The following NPTN variants were observed in gnomAD, a reference collection of about 807,000 sequenced individuals.
NPTN encodes SDR-1.
NPTN carries 5 observed loss-of-function variants against 42.7 expected under a neutral mutation model. The observed-to-expected ratio is 0.12, with a 90% confidence interval of 0.06 to 0.25. NPTN has a LOEUF of 0.25. Among genes scored for constraint, NPTN ranks in the 10% least tolerant of loss-of-function variants. NPTN has a pLI of 1.00. For synonymous variants in NPTN, 180 were observed against 201.9 expected (o/e 0.89, Z 0.92); for missense variants, 307 against 525.4 (o/e 0.58, Z 4.06).
intron 6 of NPTN, 62 bp from the exon 7 acceptor site, chr15:73,563,319 T>TA (rs1555405889): frequency 1.2e-6 from 2 of 1,604,136 alleles, no homozygotes; most frequent in South Asian, 1.1e-5. Flanking sequence ...AGAAAACTGT[T>TA]AGATTCTGCA....
chr15:73,630,761 CT>C (rs1236895781), intron 1 of NPTN, among the ~76,000 whole-genome samples: 1 of 152,190 alleles, frequency 6.6e-6, no homozygotes, highest in Non-Finnish European at 1.5e-5. Context: ...CAAGGTATCC[CT>C]TTTTGAAAGC....
At chr15:73,579,171 C>T (rs62004589) in intron 4 of NPTN, among the ~76,000 whole-genome samples, 34,874 of 145,628 alleles carry the variant, frequency 0.24, 5,309 homozygotes, top group Non-Finnish European at 0.34. Flanking sequence ...CCCAGCTACT[C>T]GGGAGGCTGA....
At chr15:73,605,299 T>C (rs548201936) in intron 1 of NPTN, among the ~76,000 whole-genome samples, 2 of 151,846 alleles carry the variant, frequency 1.3e-5, no homozygotes, top group Admixed American at 1.3e-4. Context: ...AAAATTAACA[T>C]GTTTCAAATA....
chr15:73,610,655 C>T (rs774111508), intron 1 of NPTN, among the ~76,000 whole-genome samples: 58 of 152,190 alleles, frequency 3.8e-4, no homozygotes, highest in Non-Finnish European at 5.7e-4. Flanking sequence ...CAATATGCCA[C>T]GGACCAGTGA....
intron 1 of NPTN, among the ~76,000 whole-genome samples, chr15:73,613,526 G>A (rs1595957709): frequency 6.6e-6 from 1 of 151,970 alleles, no homozygotes; most frequent in South Asian, 2.1e-4. Flanking sequence ...TCTCCACTTA[G>A]TAATTTCAGA....
At chr15:73,562,968 T>A (rs922300180) in intron 7 of NPTN, among the ~76,000 whole-genome samples, 11 of 151,874 alleles carry the variant, frequency 7.2e-5, no homozygotes, top group Non-Finnish European at 8.8e-5. Context: ...ACATTTTAAG[T>A]ATATCAAATA....
intron 4 of NPTN, among the ~76,000 whole-genome samples, chr15:73,583,860 T>C (rs1487628084): frequency 6.6e-6 from 1 of 152,208 alleles, no homozygotes; most frequent in Non-Finnish European, 1.5e-5. Context: ...GAATGTGGTC[T>C]GGGTATCACT....
Position 73,573,693 on chromosome 15 carries a change from A to G in NPTN, c.809T>C (p.Ile270Thr). 6.3e-7 allele frequency: 1 copy of G among 1,591,406 alleles called. No individual in the cohort carries two copies. The highest frequency in any genetic ancestry group is 8.5e-7 in the Non-Finnish European group (1 of 1,170,758). ...CATCCCGTTCTCCTTCTTGCGCCAT[A>G]TCCAGTCTGGGTGGGGGTAGCCAAC... Reference protein sequence around the residue: ...KSVGYPHPDWIWRKKENGMPM... With the variant: ...KSVGYPHPDWTWRKKENGMPM... The change falls in exon 5 of 9, where the codon ATA becomes ACA. Residue 270 changes from isoleucine (I) to threonine (T), a missense_variant. Ile to Thr is a moderately conservative substitution (Grantham distance 89). Around this residue, in one of 2 missense-constraint regions of NPTN, gnomAD observed 264 missense variants for 491.1 expected, o/e 0.54. Transcript: ENST00000345330.
intron 3 of NPTN, among the ~76,000 whole-genome samples, chr15:73,588,998 A>G (rs1194295319): frequency 6.6e-6 from 1 of 152,060 alleles, no homozygotes; most frequent in East Asian, 1.9e-4. Flanking sequence ...CTATGTACAG[A>G]TTCAGATCAA....
At chr15:73,612,380 C>T (rs890268139) in intron 1 of NPTN, among the ~76,000 whole-genome samples, 11 of 148,746 alleles carry the variant, frequency 7.4e-5, no homozygotes, top group Non-Finnish European at 1.2e-4. Context: ...GATCACACCA[C>T]TGCACTCTAA....
intron 1 of NPTN, among the ~76,000 whole-genome samples, chr15:73,613,133 G>A (rs1897673045): frequency 6.6e-6 from 1 of 152,206 alleles, no homozygotes; most frequent in Admixed American, 6.5e-5. Flanking sequence ...AAAATTCTAG[G>A]TCAATAAACT....
intron 1 of NPTN, among the ~76,000 whole-genome samples, chr15:73,603,659 T>A (rs1897166500): frequency 6.6e-6 from 1 of 152,170 alleles, no homozygotes; most frequent in African/African-American, 2.4e-5. Flanking sequence ...CAGTACAAAT[T>A]CTCCTTTTCA....
At chr15:73,573,523 G>A (rs1270694628) in intron 5 of NPTN, 139 bp downstream of exon 5, 5 of 934,754 alleles carry the variant, frequency 5.3e-6, no homozygotes, top group Non-Finnish European at 7.7e-6. Context: ...GATTCATGCT[G>A]TAAACCGTGA....
At chr15:73,576,895 A>G (rs562548212) in intron 4 of NPTN, among the ~76,000 whole-genome samples, 2 of 152,368 alleles carry the variant, frequency 1.3e-5, no homozygotes, top group African/African-American at 4.8e-5. Context: ...TAAATAAATC[A>G]GTTCTATCAT....
At chr15:73,587,642 A>G in intron 3 of NPTN, 24 bp from the exon 4 acceptor site, 2 of 1,536,708 alleles carry the variant, frequency 1.3e-6, no homozygotes, top group Non-Finnish European at 1.8e-6. Context: ...AAGAAAAACC[A>G]AGTGAGGAAA....
intron 1 of NPTN, among the ~76,000 whole-genome samples, chr15:73,609,895 G>A (rs1046947509): frequency 1.3e-5 from 2 of 152,042 alleles, no homozygotes; most frequent in Admixed American, 1.3e-4. Context: ...TATCATCTGT[G>A]TCGTGAACAC....
At chr15:73,619,036 G>A (rs192979645) in intron 1 of NPTN, among the ~76,000 whole-genome samples, 2 of 143,996 alleles carry the variant, frequency 1.4e-5, no homozygotes, top group East Asian at 4.0e-4. Context: ...TCCAGCCTGG[G>A]CAAACACAGC....
chr15:73,615,345 G>A (rs950932038), intron 1 of NPTN, among the ~76,000 whole-genome samples: 4 of 150,676 alleles, frequency 2.7e-5, no homozygotes, highest in Non-Finnish European at 5.9e-5. Context: ...TTGATCATTT[G>A]TGTTAGACAT....
chr15:73,585,194 C>T lies in NPTN; in HGVS notation c.706+2330G>A, dbSNP rs763805561. Among the ~76,000 whole-genome samples, 17 of 152,132 alleles carry T rather than the reference C, an allele frequency of 1.1e-4. 1 individual carries two copies. The highest frequency in any genetic ancestry group is 9.2e-4 in the Admixed American group (14 of 15,268). ...CCCTGTTGTGCTGATTCAGTTAAAG[C>T]CACACAGGAAGATTCTCAGAGACTC... is the stretch of plus-strand genomic sequence containing the variant. On this transcript the variant is annotated intron_variant, in intron 4 of 8. Transcript: ENST00000345330.
Sources: gnomAD v4.1 joint callset for allele counts (sites outside exome capture counted in the v4.1 genomes callset) on GRCh38, gnomAD v4.1.1 for gene constraint, gnomAD v4.1.1 regional missense constraint, MANE v1.5 for transcripts, NCBI Gene and HGNC (gene_info 2026-07-23, HGNC 2026-07-21) for gene names.